Variants in GTF2I observed in about 807,000 individuals in gnomAD.
The protein encoded by GTF2I is general transcription factor II-I.
Under a neutral mutation model 67.6 loss-of-function variants are expected in GTF2I, and 12 were observed. That is an observed-to-expected ratio of 0.18 (90% CI 0.11 to 0.29). The LOEUF is 0.29. Among genes scored for constraint, GTF2I ranks in the 10% least tolerant of loss-of-function variants. GTF2I has a pLI of 1.00. For synonymous variants in GTF2I, 149 were observed against 197.0 expected, an observed-to-expected ratio of 0.76 and a Z score of 2.04; for missense variants, 271 against 580.1, an observed-to-expected ratio of 0.47 and a Z score of 5.47.
chr7:74,666,879 C>CTGAG (rs1220597871), intron 1 of GTF2I, among the ~76,000 whole-genome samples: 1 of 151,514 alleles, frequency 6.6e-6, no homozygotes, highest in Non-Finnish European at 1.5e-5. Flanking sequence ...ACTCAGGAGG[C>CTGAG]TGAGGCAGGA....
At chr7:74,677,932 A>G (rs1163153678) in intron 1 of GTF2I, among the ~76,000 whole-genome samples, 2 of 152,162 alleles carry the variant, frequency 1.3e-5, no homozygotes, top group Admixed American at 6.5e-5. Context: ...ATACTGGCCA[A>G]GGCAGAAGTG....
At chr7:74,679,344 G>A (rs1437400119) in intron 1 of GTF2I, among the ~76,000 whole-genome samples, 5 of 152,126 alleles carry the variant, frequency 3.3e-5, no homozygotes, top group African/African-American at 1.2e-4. Flanking sequence ...CCAAAATGCT[G>A]GGATTACAGG....
chr7:74,659,208 C>T (rs2131164104), intron 1 of GTF2I, among the ~76,000 whole-genome samples: 1 of 152,212 alleles, frequency 6.6e-6, no homozygotes, highest in East Asian at 1.9e-4. Context: ...CAGGTGTGAG[C>T]CATCGCTTTC....
chr7:74,664,198 A>G (rs1804770248), intron 1 of GTF2I, among the ~76,000 whole-genome samples: 1 of 152,154 alleles, frequency 6.6e-6, no homozygotes, highest in South Asian at 2.1e-4. Context: ...TTCATTCTCC[A>G]TTCTTGCCCT....
At chr7:74,696,944 C>T (rs1788980503) in intron 3 of GTF2I, among the ~76,000 whole-genome samples, 2 of 152,062 alleles carry the variant, frequency 1.3e-5, no homozygotes, top group Non-Finnish European at 2.9e-5. Context: ...TTTAGAAAAG[C>T]GTTGTTCAGC....
chr7:74,658,525 T>C (rs1159213596), intron 1 of GTF2I, among the ~76,000 whole-genome samples: 1 of 148,352 alleles, frequency 6.7e-6, no homozygotes, highest in African/African-American at 2.5e-5. Context: ...GCGCGCGCGG[T>C]GCCAGGCCCG....
At chr7:74,683,647 G>A (rs145745133) in intron 1 of GTF2I, among the ~76,000 whole-genome samples, 437 of 152,292 alleles carry the variant, frequency 2.9e-3, no homozygotes, top group Middle Eastern at 6.8e-3. Context: ...GAGGTCAGGA[G>A]CTCAAGACCA....
At chr7:74,690,878 C>A in intron 2 of GTF2I, 95 bp from the exon 3 acceptor site, 1 of 1,145,900 alleles carries the variant, frequency 8.7e-7, no homozygotes, top group East Asian at 2.6e-5. Context: ...AGAGAAGTAC[C>A]TTTAAAAAAT....
At chr7:74,702,772 C>T (rs1299984872) in intron 6 of GTF2I, among the ~76,000 whole-genome samples, 1 of 148,290 alleles carries the variant, frequency 6.7e-6, no homozygotes, top group East Asian at 2.0e-4. Context: ...CTCACCCTGT[C>T]GCCCAGGCTG....
chr7:74,693,318 C>G (rs1554397543), intron 3 of GTF2I, among the ~76,000 whole-genome samples: 7 of 144,608 alleles, frequency 4.8e-5, no homozygotes, highest in Non-Finnish European at 3.0e-5. Context: ...CTCCGTCACC[C>G]TGGCTGGAGT....
Position 74,732,354 on chromosome 7 carries a change from A to G in GTF2I, c.1121-125A>G, listed in dbSNP as rs1794581714. ...ACACCACTGCACTGCAGCCTGGGAG[A>G]CACAGCAAGACTCCATCTCAAAAAA... On this transcript the variant is annotated intron_variant, in intron 14 of 34. Coordinates refer to ENST00000573035, the MANE Select transcript of GTF2I (RefSeq NM_032999.4). 3.3e-6 allele frequency: 4 copies of G among 1,204,906 alleles called. No homozygotes were observed. In the South Asian group the frequency reaches 8.6e-5, roughly 26 times the overall value. 74.6% of individuals were successfully genotyped at this position (1,204,906 alleles called of 1,614,324 possible).
rs782383976 is a variant in GTF2I at position 74,705,146 on chromosome 7, T to G, written c.587-18T>G. ...AAATGTTGAAAAACTAACTCCAATTTTTTTTTTTTGTATGTAGGTGGTCGT... is the reference window on the plus strand; with the variant it reads ...AAATGTTGAAAAACTAACTCCAATTGTTTTTTTTTGTATGTAGGTGGTCGT... On this transcript the variant is annotated intron_variant, in intron 6 of 34. Coordinates refer to ENST00000573035, the MANE Select transcript of GTF2I (RefSeq NM_032999.4). 5 of 1,545,144 alleles carry G rather than the reference T, an allele frequency of 3.2e-6. No homozygotes were observed. In the South Asian group the frequency reaches 5.6e-5, roughly 17 times the overall value.
chr7:74,713,727 G>A (rs2131411992), intron 9 of GTF2I, among the ~76,000 whole-genome samples: 1 of 152,236 alleles, frequency 6.6e-6, no homozygotes, highest in East Asian at 1.9e-4. Context: ...AGCAACTAAA[G>A]CAGTACTTAG....
At chr7:74,719,474 G>A (rs1430743974) in intron 12 of GTF2I, among the ~76,000 whole-genome samples, 2 of 152,128 alleles carry the variant, frequency 1.3e-5, no homozygotes, top group African/African-American at 4.8e-5. Context: ...CTATAGCTAA[G>A]ATTGCTTCAA....
intron 3 of GTF2I, among the ~76,000 whole-genome samples, chr7:74,697,341 G>C (rs1346876363): frequency 6.6e-6 from 1 of 152,066 alleles, no homozygotes; most frequent in Non-Finnish European, 1.5e-5. Flanking sequence ...ATTGCAGTGA[G>C]CCACGATCGT....
At chr7:74,726,913 T>C (rs1554405820) in intron 12 of GTF2I, 1 of 148,964 alleles carries the variant, frequency 6.7e-6, no homozygotes, top group Non-Finnish European at 1.5e-5. Flanking sequence ...GATAGATAGA[T>C]AGATAGATAG....
intron 3 of GTF2I, among the ~76,000 whole-genome samples, chr7:74,695,787 T>A (rs587707705): frequency 5.9e-5 from 9 of 152,266 alleles, no homozygotes; most frequent in African/African-American, 2.2e-4. Flanking sequence ...TTTATACTAA[T>A]AATGCTGTTT....
Position 74,712,990 on chromosome 7 carries a change from T to C in GTF2I, c.764-1867T>C, listed in dbSNP as rs2131408401. 2.0e-5 allele frequency among the ~76,000 whole-genome samples: 3 copies of C among 152,306 alleles called. No individual in the cohort carries two copies. In the Middle Eastern group the frequency reaches 0.01, roughly 518 times the overall value. On this transcript the variant is annotated intron_variant, in intron 9 of 34. Coordinates refer to ENST00000573035, the MANE Select transcript of GTF2I (RefSeq NM_032999.4). ...AAATAGTGACATTCAAATGTGAGTG[T>C]TGGGAATGTGTTGATTTTCTCAATG...
intron 12 of GTF2I, among the ~76,000 whole-genome samples, chr7:74,722,173 C>T (rs376081517): frequency 6.6e-6 from 1 of 152,148 alleles, no homozygotes; most frequent in Non-Finnish European, 1.5e-5. Flanking sequence ...GACACCGACG[C>T]GGACGTGTTT....
Sources: gnomAD v4.1 joint callset for allele counts (sites outside exome capture counted in the v4.1 genomes callset) on GRCh38, gnomAD v4.1.1 for gene constraint, MANE v1.5 for transcripts, NCBI Gene and HGNC (gene_info 2026-07-23, HGNC 2026-07-21) for gene names.